The following ENTREP2 variants were observed in gnomAD, a reference collection of about 807,000 sequenced individuals.
ENTREP2 encodes protein ENTREP2.
chr15:29,544,260 AT>A, the ENTREP2 span, among the ~76,000 whole-genome samples: 1 of 152,190 alleles, frequency 6.6e-6, no homozygotes, highest in African/African-American at 2.4e-5. Context: ...TTCAATATTA[AT>A]TGATATTTGG....
the ENTREP2 span, among the ~76,000 whole-genome samples, chr15:29,197,960 G>T: frequency 6.6e-6 from 1 of 152,044 alleles, no homozygotes; most frequent in African/African-American, 2.4e-5. Context: ...ATTTTTCATT[G>T]CATGAATATT....
chr15:29,343,355 A>C, the ENTREP2 span, among the ~76,000 whole-genome samples: 1 of 152,106 alleles, frequency 6.6e-6, no homozygotes, highest in Non-Finnish European at 1.5e-5. Context: ...AATCAGTCAA[A>C]GGCCCTCAGA....
At chr15:29,155,497 T>C in the ENTREP2 span, among the ~76,000 whole-genome samples, 4 of 152,246 alleles carry the variant, frequency 2.6e-5, no homozygotes, top group South Asian at 8.3e-4. Context: ...CATATGCACG[T>C]GCTAACCAGC....
chr15:29,456,339 A>AGCATGGAAGGG, the ENTREP2 span, among the ~76,000 whole-genome samples: 1 of 152,138 alleles, frequency 6.6e-6, no homozygotes, highest in Non-Finnish European at 1.5e-5. Flanking sequence ...CACTAATCTG[A>AGCATGGAAGGG]CTGCATGGAA....
At chr15:29,362,437 C>T in the ENTREP2 span, among the ~76,000 whole-genome samples, 14 of 140,532 alleles carry the variant, frequency 1.0e-4, no homozygotes, top group African/African-American at 3.5e-4. Context: ...TGCAGTGGCG[C>T]GATCTCGGCT....
At chr15:29,358,907 AAT>A in the ENTREP2 span, among the ~76,000 whole-genome samples, 1 of 152,344 alleles carries the variant, frequency 6.6e-6, no homozygotes, top group Non-Finnish European at 1.5e-5. Context: ...CCTGAAAGAA[AAT>A]GTCAGAGAGA....
chr15:29,425,882 T>C, the ENTREP2 span, among the ~76,000 whole-genome samples: 109,403 of 151,652 alleles, frequency 0.72, 39,662 homozygotes, highest in South Asian at 0.87. Context: ...ACCACATTAG[T>C]GTCAACAATT....
At chr15:29,495,009 G>A in the ENTREP2 span, among the ~76,000 whole-genome samples, 1 of 152,028 alleles carries the variant, frequency 6.6e-6, no homozygotes, top group African/African-American at 2.4e-5. Flanking sequence ...TGTACATGGG[G>A]GTGTAGATTT....
the ENTREP2 span, among the ~76,000 whole-genome samples, chr15:29,533,949 G>A: frequency 6.6e-6 from 1 of 151,800 alleles, no homozygotes; most frequent in African/African-American, 2.4e-5. Context: ...TGAAATGCCA[G>A]GGCCCCAGGA....
the ENTREP2 span, among the ~76,000 whole-genome samples, chr15:29,383,458 G>A: frequency 6.6e-6 from 1 of 152,232 alleles, no homozygotes; most frequent in Non-Finnish European, 1.5e-5. Context: ...CAGCATGTGA[G>A]AAGGCCGAAT....
chr15:29,518,821 C>T, the ENTREP2 span, among the ~76,000 whole-genome samples: 9 of 152,178 alleles, frequency 5.9e-5, no homozygotes, highest in African/African-American at 2.2e-4. Flanking sequence ...TGAAAAAGAC[C>T]ACCACCTGAC....
the ENTREP2 span, among the ~76,000 whole-genome samples, chr15:29,251,946 T>C: frequency 6.6e-6 from 1 of 152,194 alleles, no homozygotes; most frequent in South Asian, 2.1e-4. Context: ...GCTAACTATA[T>C]TGTTTTGATA....
chr15:29,509,601 A>T, the ENTREP2 span, among the ~76,000 whole-genome samples: 17 of 152,164 alleles, frequency 1.1e-4, no homozygotes, highest in African/African-American at 4.1e-4. Flanking sequence ...ATGACACCAC[A>T]CAACTACAAC....
the ENTREP2 span, among the ~76,000 whole-genome samples, chr15:29,664,698 C>T: frequency 6.6e-6 from 1 of 152,156 alleles, no homozygotes; most frequent in Admixed American, 6.5e-5. Context: ...TAACAGCCTG[C>T]ATTGACTGGT....
the ENTREP2 span, chr15:29,269,700 C>A: frequency 6.5e-7 from 1 of 1,537,426 alleles, no homozygotes; most frequent in Middle Eastern, 1.8e-4. Flanking sequence ...TCGGTTTTTG[C>A]AACATGTCTC....
the ENTREP2 span, chr15:29,123,597 G>A: frequency 6.4e-7 from 1 of 1,551,564 alleles, no homozygotes; most frequent in African/African-American, 1.4e-5. Flanking sequence ...AGGTATCTGG[G>A]TCCCCCGCTG....
At chr15:29,556,770 C>CA in the ENTREP2 span, among the ~76,000 whole-genome samples, 102 of 144,526 alleles carry the variant, frequency 7.1e-4, 1 homozygote, top group Admixed American at 1.4e-3. Context: ...GTGCCCCCCC[C>CA]CCGCCCCACA....
At chr15:29,174,696 AC>A in the ENTREP2 span, among the ~76,000 whole-genome samples, 3,418 of 144,538 alleles carry the variant, frequency 0.024, 269 homozygotes, top group African/African-American at 0.093. Context: ...ACTAAACAAA[AC>A]AAAACAAAAC....
chr15:29,318,616 G>A, the ENTREP2 span, among the ~76,000 whole-genome samples: 1 of 152,010 alleles, frequency 6.6e-6, no homozygotes, highest in African/African-American at 2.4e-5. Flanking sequence ...CACCACGCCC[G>A]GCCAAATTAA....
Sources: allele counts gnomAD v4.1 joint callset (sites outside exome capture counted in the v4.1 genomes callset), GRCh38; gene constraint gnomAD v4.1.1; transcripts MANE v1.5; gene names NCBI Gene and HGNC (gene_info 2026-07-23, HGNC 2026-07-21).